ZNF582: variants seen among roughly 807,000 people sequenced by gnomAD.
The protein encoded by ZNF582 is zinc finger protein 582.
Under a neutral mutation model 12.3 loss-of-function variants are expected in ZNF582, and 14 were observed. That is an observed-to-expected ratio of 1.14 (90% CI 0.75 to 1.78). The LOEUF is 1.78. Among genes scored for constraint, ZNF582 ranks in the 40% most tolerant of loss-of-function variants. The pLI, the probability that ZNF582 is intolerant of heterozygous loss-of-function variation, is 0.00. For missense variants in ZNF582, 567 were observed against 616.5 expected (o/e 0.92, Z 0.85); for synonymous variants, 210 against 207.2 (o/e 1.01, Z -0.11).
At chr19:56,392,930 C>A (rs985064601) in intron 1 of ZNF582, among the ~76,000 whole-genome samples, 1 of 152,082 alleles carries the variant, frequency 6.6e-6, no homozygotes, top group Non-Finnish European at 1.5e-5. Flanking sequence ...TTATTATGAC[C>A]ACTTTTATAA....
chr19:56,389,614 C>A (rs1173155287), intron 4 of ZNF582, among the ~76,000 whole-genome samples: 1 of 151,954 alleles, frequency 6.6e-6, no homozygotes, highest in East Asian at 1.9e-4. Flanking sequence ...TGTAAACAAA[C>A]CCCCATGACA....
At chr19:56,391,575 T>C (rs943647017) in intron 2 of ZNF582, among the ~76,000 whole-genome samples, 169 bp downstream of exon 2, 4 of 152,222 alleles carry the variant, frequency 2.6e-5, no homozygotes, top group Non-Finnish European at 4.4e-5. Context: ...CTATAGAGAA[T>C]AAATCTGTGG....
At chr19:56,387,943 A>G (rs1055823767) in intron 4 of ZNF582, among the ~76,000 whole-genome samples, 2 of 152,226 alleles carry the variant, frequency 1.3e-5, no homozygotes, top group African/African-American at 2.4e-5. Flanking sequence ...ACCCTTGCTT[A>G]TGCGAAGATT....
At chr19:56,387,340 T>A (rs1286496450) in intron 4 of ZNF582, 2 of 152,220 alleles carry the variant, frequency 1.3e-5, no homozygotes, top group Admixed American at 6.5e-5. Context: ...ATCCCAACAT[T>A]ATTGAAAATT....
exon 5 of ZNF582, chr19:56,384,790 T>A: frequency 6.3e-7 from 1 of 1,590,306 alleles, no homozygotes; most frequent in Non-Finnish European, 8.5e-7. Context: ...GTGAGCCATA[T>A]TTAAAGGCCT....
intron 4 of ZNF582, chr19:56,388,160 C>G (rs1465925351): frequency 6.6e-6 from 1 of 151,774 alleles, no homozygotes; most frequent in African/African-American, 2.4e-5. Flanking sequence ...GGATTATGTC[C>G]AAAGAACCCA....
chr19:56,390,875 A>C (rs1306523105), intron 2 of ZNF582, among the ~76,000 whole-genome samples: 1 of 152,250 alleles, frequency 6.6e-6, no homozygotes, highest in Non-Finnish European at 1.5e-5. Context: ...ATAACAACAA[A>C]AAATATTTCT....
exon 2 of ZNF582, chr19:56,391,828 T>G (rs779188455): frequency 6.2e-7 from 1 of 1,613,816 alleles, no homozygotes; most frequent in East Asian, 2.2e-5. Flanking sequence ...CCTGCGACGG[T>G]AGAGCTGGGG....
chr19:56,385,003 A>G, exon 5 of ZNF582: 3 of 1,614,158 alleles, frequency 1.9e-6, no homozygotes, highest in Non-Finnish European at 2.5e-6. Flanking sequence ...TCTGATGGAA[A>G]TGTCTGTCTG....
chr19:56,390,301 A>G, intron 3 of ZNF582, 74 bp downstream of exon 3: 2 of 1,603,332 alleles, frequency 1.2e-6, no homozygotes, highest in Admixed American at 3.4e-5. Context: ...ATAAGACTGA[A>G]AAGCACCCAA....
At chr19:56,384,200 C>T (rs370025389) in exon 5 of ZNF582, 8 of 1,609,278 alleles carry the variant, frequency 5.0e-6, no homozygotes, top group South Asian at 3.3e-5. Context: ...ATGTGAGACC[C>T]GTTTGAAGGC....
At chr19:56,392,300 T>C (rs11878390) in intron 1 of ZNF582, among the ~76,000 whole-genome samples, 29,949 of 152,182 alleles carry the variant, frequency 0.2, 3,421 homozygotes, top group Middle Eastern at 0.27. Context: ...CCGCCAAATA[T>C]ACAAAAAGCT....
exon 5 of ZNF582, chr19:56,382,778 TCA>T (rs2041928543): frequency 6.6e-6 from 1 of 152,194 alleles, no homozygotes; most frequent in Non-Finnish European, 1.5e-5. Context: ...TTTATTTTTC[TCA>T]GATAACAAGG....
intron 2 of ZNF582, among the ~76,000 whole-genome samples, chr19:56,391,460 A>C (rs1404088703): frequency 6.6e-6 from 1 of 152,224 alleles, no homozygotes; most frequent in Non-Finnish European, 1.5e-5. Context: ...CTAAGCATTC[A>C]TTCCATCTCT....
intron 3 of ZNF582, 105 bp from the exon 4 acceptor site, chr19:56,390,201 G>A: frequency 1.5e-6 from 2 of 1,353,198 alleles, no homozygotes; most frequent in East Asian, 2.3e-5. Flanking sequence ...GGAAGTGCCA[G>A]AGGAAGATGG....
At position 56,385,198 on chromosome 19, in the gene ZNF582, A is replaced by G. The variant is rs1298658662; in HGVS notation, c.233-14T>C. ...TGGACTCCAATACTAAGAATGAAAA[A>G]AAGCGAATATGTTTGGCTTCTTTTT... On this transcript the variant is annotated splice_polypyrimidine_tract_variant and intron_variant, in intron 4 of 4. Transcript: ENST00000586929. 6.4e-7 allele frequency: 1 copy of G among 1,556,016 alleles called. No individual in the cohort carries two copies. The highest frequency in any genetic ancestry group is 8.6e-7 in the Non-Finnish European group (1 of 1,160,710).
At chr19:56,391,958 G>A (rs34857618) in intron 1 of ZNF582, 126 bp from the exon 2 acceptor site, 16,509 of 758,142 alleles carry the variant, frequency 0.022, 234 homozygotes, top group Middle Eastern at 0.032. Flanking sequence ...GGAGGCAAAG[G>A]GATCCTCACC....
At chr19:56,391,944 A>C (rs2042017376) in intron 1 of ZNF582, 112 bp from the exon 2 acceptor site, 4 of 887,572 alleles carry the variant, frequency 4.5e-6, no homozygotes, top group Non-Finnish European at 6.8e-6. Context: ...AATGAGAAGG[A>C]GGGGGAGGCA....
At chr19:56,389,795 A>G (rs925856138) in intron 4 of ZNF582, among the ~76,000 whole-genome samples, 12 of 152,200 alleles carry the variant, frequency 7.9e-5, no homozygotes, top group African/African-American at 2.9e-4. Context: ...GTCTAGCCCT[A>G]TAATCCAGGT....
Sources: gnomAD v4.1 joint callset for allele counts (sites outside exome capture counted in the v4.1 genomes callset) on GRCh38, gnomAD v4.1.1 for gene constraint, MANE v1.5 for transcripts, NCBI Gene and HGNC (gene_info 2026-07-23, HGNC 2026-07-21) for gene names.